The following SLC28A1 variants were observed in gnomAD, a reference collection of about 807,000 sequenced individuals.
SLC28A1 encodes solute carrier family 28 member 1.
SLC28A1 carries 64 observed loss-of-function variants against 74.8 expected under a neutral mutation model. That is an observed-to-expected ratio of 0.86 (90% CI 0.70 to 1.05). The LOEUF (loss-of-function observed/expected upper bound fraction) is 1.05, where lower values mean the gene tolerates loss of function less well. Among genes scored for constraint, SLC28A1 ranks in the 50% least tolerant of loss-of-function variants. The probability of loss-of-function intolerance (pLI) is 0.00; values close to 1 mark genes in which losing one functional copy is unlikely to be tolerated. For missense variants in SLC28A1, 828 were observed against 822.8 expected (o/e 1.01, Z -0.08); for synonymous variants, 359 against 335.0 (o/e 1.07, Z -0.78).
At chr15:84,971,408 A>G in the SLC28A1 span, among the ~76,000 whole-genome samples, 1 of 152,242 alleles carries the variant, frequency 6.6e-6, no homozygotes, top group African/African-American at 2.4e-5. Context: ...CTCATCCTCA[A>G]TGAGCGAGCT....
intron 15 of SLC28A1, among the ~76,000 whole-genome samples, chr15:84,942,206 T>G (rs779632148): frequency 2.6e-5 from 4 of 152,228 alleles, no homozygotes; most frequent in Non-Finnish European, 4.4e-5. Flanking sequence ...GCTTTGATAC[T>G]GGCATGCAAT....
At chr15:84,915,169 C>G (rs1307053397) in intron 9 of SLC28A1, among the ~76,000 whole-genome samples, 13 of 152,182 alleles carry the variant, frequency 8.5e-5, no homozygotes, top group Admixed American at 7.9e-4. Flanking sequence ...GGAGGTGTTT[C>G]TAGCCCCAGG....
At chr15:84,911,134 C>G (rs7403070) in intron 9 of SLC28A1, among the ~76,000 whole-genome samples, 1 of 151,994 alleles carries the variant, frequency 6.6e-6, no homozygotes, top group Non-Finnish European at 1.5e-5. Flanking sequence ...GCGCCTTCCC[C>G]CGCCCACCAC....
the SLC28A1 span, among the ~76,000 whole-genome samples, chr15:84,956,681 T>C: frequency 6.6e-6 from 1 of 150,794 alleles, no homozygotes; most frequent in Non-Finnish European, 1.5e-5. Flanking sequence ...TTTTTTTTTT[T>C]TTTAATAGAG....
At chr15:84,969,802 T>C in the SLC28A1 span, among the ~76,000 whole-genome samples, 86,521 of 151,956 alleles carry the variant, frequency 0.57, 25,120 homozygotes, top group South Asian at 0.73. Context: ...GAATGCAGGA[T>C]CCCAGGGGTC....
rs569635007 is a variant in SLC28A1, at chr15:84,897,528, A to G, written c.461+2405A>G. On this transcript the variant is annotated intron_variant, in intron 6 of 18. Transcript: ENST00000394573. ...TTTTGCACCAGCCTAATAAATGTGC[A>G]TAGTTTCAGGGTATATGTGATAATT... 2.0e-5 allele frequency among the ~76,000 whole-genome samples: 3 copies of G among 152,390 alleles called. No individual in the cohort carries two copies. The East Asian group carries it at 5.8e-4, about 29-fold the overall frequency.
At chr15:84,974,595 T>C in the SLC28A1 span, among the ~76,000 whole-genome samples, 153 of 152,136 alleles carry the variant, frequency 1.0e-3, 1 homozygote, top group African/African-American at 3.5e-3. Flanking sequence ...GGGAGAAGCA[T>C]GTCTTGTGTG....
Position 84,887,871 on chromosome 15 carries a change from C to G in SLC28A1, c.96+15C>G, listed in dbSNP as rs1567110164. The G allele has an allele frequency of 6.3e-7, 1 of 1,585,920 alleles. No individual in the cohort carries two copies. On this transcript the variant is annotated intron_variant, in intron 3 of 18. Transcript: ENST00000394573. ...TGGAAAGCCTGGTCTGTACCCTTCC[C>G]CATCAGTCATCCTGACCCCTCAGCC...
intron 8 of SLC28A1, among the ~76,000 whole-genome samples, chr15:84,906,654 CTT>C (rs967875639): frequency 1.7e-5 from 2 of 120,694 alleles, no homozygotes; most frequent in Non-Finnish European, 1.8e-5. Flanking sequence ...TCCTTCCTTT[CTT>C]TTTTTTTTTT....
the SLC28A1 span, among the ~76,000 whole-genome samples, chr15:84,965,724 T>C: frequency 6.6e-6 from 1 of 152,154 alleles, no homozygotes; most frequent in Non-Finnish European, 1.5e-5. Context: ...CTAAGAGTCC[T>C]GTATCCTAGG....
chr15:84,947,096 G>A (rs931953993), downstream of SLC28A1, among the ~76,000 whole-genome samples: 4 of 152,250 alleles, frequency 2.6e-5, no homozygotes, highest in Non-Finnish European at 4.4e-5. Context: ...CCAGTGGGCA[G>A]CAGCCTTGCT....
At chr15:84,963,627 G>T in the SLC28A1 span, among the ~76,000 whole-genome samples, 3 of 152,026 alleles carry the variant, frequency 2.0e-5, no homozygotes, top group Non-Finnish European at 2.9e-5. Context: ...GGGTCCAGCT[G>T]CCCCCCCGAG....
chr15:84,942,495 A>G (rs1291143247), intron 15 of SLC28A1, among the ~76,000 whole-genome samples: 4 of 152,228 alleles, frequency 2.6e-5, no homozygotes, highest in Admixed American at 2.6e-4. Context: ...AAAAGCAAAT[A>G]ACTATTGTGT....
chr15:84,946,112 A>ATATATATTTTTT (rs57190791), downstream of SLC28A1, among the ~76,000 whole-genome samples: 8 of 13,472 alleles, frequency 5.9e-4, no homozygotes, highest in South Asian at 5.8e-3. Context: ...ATATATATAT[A>ATATATATTTTTT]TTTTTTTTTT....
In SLC28A1 at chr15:84,945,105, G is replaced by T; in HGVS notation, c.1875-20G>T. 1 of 1,613,370 alleles carries T rather than the reference G, an allele frequency of 6.2e-7. No individual in the cohort carries two copies. Among genetic ancestry groups the T allele is most frequent in the Non-Finnish European group, 8.5e-7 (1 of 1,179,322 alleles). On this transcript the variant is annotated intron_variant, in intron 18 of 18. Transcript: ENST00000394573. ...GAACCAGGCCTGGAGCTCCCACTGCGATCTTTGCTTTCTTTTTAGCGTCAA... is the reference window on the plus strand; with the variant it reads ...GAACCAGGCCTGGAGCTCCCACTGCTATCTTTGCTTTCTTTTTAGCGTCAA...
chr15:84,893,944 C>A (rs930579741), intron 5 of SLC28A1, among the ~76,000 whole-genome samples: 1 of 152,212 alleles, frequency 6.6e-6, no homozygotes, highest in East Asian at 1.9e-4. Context: ...TCTGTGATAC[C>A]AGTGTCCTTG....
chr15:84,939,640 T>C (rs1032710988), intron 15 of SLC28A1: 1 of 152,202 alleles, frequency 6.6e-6, no homozygotes, highest in Admixed American at 6.5e-5. Flanking sequence ...GCTTCATGAA[T>C]TTGTGCGTCA....
chr15:84,912,513 T>G (rs1224800535), intron 9 of SLC28A1, among the ~76,000 whole-genome samples: 1 of 152,126 alleles, frequency 6.6e-6, no homozygotes, highest in Non-Finnish European at 1.5e-5. Flanking sequence ...ACCCCTTGGC[T>G]GTATCAGCTG....
chr15:84,946,696 C>G (rs1476546645), downstream of SLC28A1, among the ~76,000 whole-genome samples: 5 of 152,128 alleles, frequency 3.3e-5, no homozygotes, highest in Admixed American at 6.5e-5. Context: ...TCAGGGAACC[C>G]TGATGGGTGG....
Sources: gnomAD v4.1 joint callset for allele counts (sites outside exome capture counted in the v4.1 genomes callset) on GRCh38, gnomAD v4.1.1 for gene constraint, MANE v1.5 for transcripts, NCBI Gene and HGNC (gene_info 2026-07-23, HGNC 2026-07-21) for gene names.